Variants in DOCK4 observed in about 807,000 individuals in gnomAD.
DOCK4 encodes dedicator of cytokinesis protein 4.
DOCK4 carries 97 observed loss-of-function variants against 268.1 expected under a neutral mutation model. The ratio of observed to expected loss-of-function variants is 0.36; its 90% CI spans 0.31 to 0.43. The LOEUF (loss-of-function observed/expected upper bound fraction) is 0.43. DOCK4 is among the 20% of genes least tolerant of loss of function. DOCK4 has a pLI of 1.00. For missense variants in DOCK4, 2,145 were observed against 2,455.7 expected (o/e 0.87, Z 2.67); for synonymous variants, 954 against 887.2 (o/e 1.08, Z -1.34).
At chr7:112,136,607 G>A (rs1228612094) in intron 1 of DOCK4, among the ~76,000 whole-genome samples, 1 of 152,100 alleles carries the variant, frequency 6.6e-6, no homozygotes, top group Non-Finnish European at 1.5e-5. Flanking sequence ...ACAAATAACT[G>A]GAGTTCAAGG....
chr7:111,757,364 G>A (rs1797094495), intron 41 of DOCK4, among the ~76,000 whole-genome samples: 2 of 152,186 alleles, frequency 1.3e-5, no homozygotes, highest in African/African-American at 4.8e-5. Flanking sequence ...TGGAGCTACC[G>A]GTAACTAGAA....
At chr7:111,857,795 C>A (rs1805134613) in intron 23 of DOCK4, among the ~76,000 whole-genome samples, 1 of 152,234 alleles carries the variant, frequency 6.6e-6, no homozygotes, top group South Asian at 2.1e-4. Flanking sequence ...TCCCCAACAA[C>A]CTCTCTGCAT....
chr7:112,009,109 G>A (rs1801088395), intron 1 of DOCK4, among the ~76,000 whole-genome samples: 1 of 152,138 alleles, frequency 6.6e-6, no homozygotes, highest in East Asian at 1.9e-4. Context: ...ATTCTACTTG[G>A]CACAGGTCAA....
rs181522709 is a variant in DOCK4, at chr7:111,886,959, G to A, written c.1587+8653C>T. On this transcript the variant is annotated intron_variant, in intron 16 of 52. Coordinates refer to ENST00000428084, the MANE Select transcript of DOCK4 (RefSeq NM_001363540.2). ...AAATAACTGCTAAAAAAAAGTACGG[G>A]CATATTGAGGCAACTATACATAGTT... is the stretch of plus-strand genomic sequence containing the variant. Among the ~76,000 whole-genome samples, 940 of 152,176 alleles carry A rather than the reference G, an allele frequency of 6.2e-3. 6 individuals carry two copies. The highest frequency in any genetic ancestry group is 0.041 in the South Asian group (197 of 4,810).
chr7:111,736,768 G>A (rs1242160223), intron 50 of DOCK4, 149 bp downstream of exon 50: 1 of 739,720 alleles, frequency 1.4e-6, no homozygotes, highest in Admixed American at 2.5e-5. Flanking sequence ...ATGAATAACT[G>A]TCTTTCATTA....
chr7:112,166,863 G>T (rs991386803), intron 1 of DOCK4, among the ~76,000 whole-genome samples: 1 of 151,222 alleles, frequency 6.6e-6, no homozygotes, highest in African/African-American at 2.4e-5. Context: ...ACAGAGTCTC[G>T]CCATGTTGCC....
intron 44 of DOCK4, among the ~76,000 whole-genome samples, chr7:111,742,370 C>T (rs1308491389): frequency 6.6e-6 from 1 of 152,148 alleles, no homozygotes; most frequent in Non-Finnish European, 1.5e-5. Context: ...ACTTAATTTT[C>T]CTACTCCCCC....
intron 8 of DOCK4, among the ~76,000 whole-genome samples, chr7:111,954,861 C>T (rs559225483): frequency 6.6e-6 from 1 of 152,226 alleles, no homozygotes; most frequent in South Asian, 2.1e-4. Context: ...TACAAAGAGC[C>T]TCGCACCAAC....
chr7:111,846,306 T>G (rs927780991), intron 24 of DOCK4, among the ~76,000 whole-genome samples: 1 of 152,240 alleles, frequency 6.6e-6, no homozygotes, highest in African/African-American at 2.4e-5. Context: ...AGTTGCATAT[T>G]GGCAGAAGTG....
chr7:112,200,880 T>A (rs1587046582), intron 1 of DOCK4, among the ~76,000 whole-genome samples: 1 of 152,044 alleles, frequency 6.6e-6, no homozygotes, highest in African/African-American at 2.4e-5. Context: ...ATCAAGAACA[T>A]AAGCTGCTAT....
At chr7:111,766,792 T>G (rs1797786291) in intron 38 of DOCK4, among the ~76,000 whole-genome samples, 1 of 152,220 alleles carries the variant, frequency 6.6e-6, no homozygotes. Flanking sequence ...AATCCTGGAT[T>G]AGATTGTATA....
At chr7:112,063,265 A>G (rs929657495) in intron 1 of DOCK4, among the ~76,000 whole-genome samples, 2 of 152,240 alleles carry the variant, frequency 1.3e-5, no homozygotes, top group African/African-American at 4.8e-5. Flanking sequence ...GGTACTTGCT[A>G]TACACCAGTC....
intron 1 of DOCK4, among the ~76,000 whole-genome samples, chr7:112,005,922 G>T (rs1800821784): frequency 1.3e-5 from 2 of 152,038 alleles, no homozygotes; most frequent in Non-Finnish European, 2.9e-5. Flanking sequence ...TTTTGAAACT[G>T]CTTTACTAAG....
At chr7:111,936,099 T>C (rs1794717939) in intron 11 of DOCK4, among the ~76,000 whole-genome samples, 2 of 152,216 alleles carry the variant, frequency 1.3e-5, no homozygotes, top group Admixed American at 1.3e-4. Context: ...ATATAATAAA[T>C]GCTCAGTAAA....
intron 23 of DOCK4, among the ~76,000 whole-genome samples, chr7:111,859,728 C>T (rs1278829715): frequency 2.0e-4 from 31 of 151,524 alleles, no homozygotes; most frequent in Admixed American, 1.3e-3. Flanking sequence ...CCACTACGCC[C>T]GGCTAATTTT....
chr7:111,822,617 C>T (rs1802080140), intron 26 of DOCK4, among the ~76,000 whole-genome samples, 161 bp from the exon 27 acceptor site: 1 of 152,166 alleles, frequency 6.6e-6, no homozygotes, highest in African/African-American at 2.4e-5. Context: ...GAGTCATGAC[C>T]CTTCCCATTC....
At chr7:112,124,651 A>C (rs1400763124) in intron 1 of DOCK4, among the ~76,000 whole-genome samples, 1 of 152,216 alleles carries the variant, frequency 6.6e-6, no homozygotes, top group Admixed American at 6.5e-5. Flanking sequence ...AAATGGGAAT[A>C]ACATAATTAA....
chr7:112,140,786 C>G (rs1020528636), intron 1 of DOCK4, among the ~76,000 whole-genome samples: 2 of 151,990 alleles, frequency 1.3e-5, no homozygotes, highest in African/African-American at 2.4e-5. Context: ...TCCTTTTAAG[C>G]CTTGTTGGCA....
At chr7:111,901,896 T>G in intron 13 of DOCK4, 95 bp from the exon 14 acceptor site, 1 of 838,334 alleles carries the variant, frequency 1.2e-6, no homozygotes. Flanking sequence ...TACAATATAC[T>G]GCTATACATA....
Sources: gnomAD v4.1 joint callset for allele counts (sites outside exome capture counted in the v4.1 genomes callset) on GRCh38, gnomAD v4.1.1 for gene constraint, MANE v1.5 for transcripts, NCBI Gene and HGNC (gene_info 2026-07-23, HGNC 2026-07-21) for gene names.